NAA16: variants seen among roughly 807,000 people sequenced by gnomAD.
NAA16 encodes the protein N-alpha-acetyltransferase 16, NatA auxiliary subunit, also known as NARG1-like protein.
In NAA16, 97 loss-of-function variants were observed where a neutral mutation model predicts 110.3. The ratio of observed to expected loss-of-function variants is 0.88; its 90% confidence interval spans 0.75 to 1.04. NAA16 has a LOEUF of 1.04. Ranked by LOEUF, NAA16 falls within the 50% of genes least tolerant of loss-of-function variation. The pLI is 0.00. For synonymous variants in NAA16, 372 were observed against 330.6 expected (o/e 1.13, Z -1.36); for missense variants, 1,017 against 1,005.1 (o/e 1.01, Z -0.16).
At chr13:41,366,423 T>C (rs1178346930) in intron 13 of NAA16, among the ~76,000 whole-genome samples, 3 of 152,174 alleles carry the variant, frequency 2.0e-5, no homozygotes, top group African/African-American at 7.2e-5. Context: ...ATTGGTGTAT[T>C]GAATCACTCA....
chr13:41,367,589 A>G lies in NAA16; in HGVS notation c.1690A>G (p.Ile564Val). 2.5e-6 allele frequency: 4 copies of G among 1,613,288 alleles called. No homozygotes were observed. Among genetic ancestry groups the G allele is most frequent in the Non-Finnish European group, 2.5e-6 (3 of 1,179,642 alleles). Residue 564 changes from isoleucine to valine, a missense_variant, in exon 14 of 20, where the codon ATA (isoleucine) becomes GTA (valine). Transcript: ENST00000379406. ...CAAGGCTGCTAGATCAGCGATTGAA[A>G]TATACTTGAAATTGTATGATAATCC... ...YFKAARSAIE[I>V]YLKLYDNPLT...
intron 1 of NAA16, among the ~76,000 whole-genome samples, chr13:41,316,171 C>T (rs1229347636): frequency 2.0e-5 from 3 of 152,116 alleles, no homozygotes; most frequent in South Asian, 4.1e-4. Context: ...ATTCAGTCGC[C>T]CAGGCTGGAG....
At chr13:41,358,632 G>GT (rs2043045840) in intron 11 of NAA16, 159 bp downstream of exon 11, 1 of 1,437,326 alleles carries the variant, frequency 7.0e-7, no homozygotes, top group South Asian at 1.6e-5. Context: ...TAATCAATGT[G>GT]TAATTAGATG....
chr13:41,325,833 T>C lies in NAA16; in HGVS notation c.673T>C (p.Leu225=), dbSNP rs774351761. 5 of 1,600,154 alleles carry C rather than the reference T, an allele frequency of 3.1e-6. No individual in the cohort carries two copies. The South Asian group carries it at 3.4e-5, about 11-fold the overall frequency. Residue 225 remains leucine (L), a synonymous_variant, in exon 6 of 20, where the codon TTG becomes CTG. Coordinates refer to ENST00000379406, the MANE Select transcript of NAA16 (RefSeq NM_024561.5). The stretch of plus-strand genomic sequence containing the variant: ...TGAGAAACAAATATGTGATAAACTT[T>C]TGGTGGAAGAAATTAAAGGTAAGTT... ...MYEKQICDKL[L]VEEIKGEILL...
Position 41,366,058 on chromosome 13 carries a change from T to C in NAA16, c.1540-1381T>C, listed in dbSNP as rs557811187. Among the ~76,000 whole-genome samples, 3 of 152,200 alleles carry C rather than the reference T, an allele frequency of 2.0e-5. No individual in the cohort carries two copies. The East Asian group carries it at 5.8e-4, about 29-fold the overall frequency. On this transcript the variant is annotated intron_variant, in intron 13 of 19. Coordinates refer to ENST00000379406, the MANE Select transcript of NAA16 (RefSeq NM_024561.5). The stretch of plus-strand genomic sequence containing the variant: ...CATTAAGAGAAACCACTAACAACTT[T>C]ATGAAATATGTAATCCTTTGATTTA...
At position 41,318,743 on chromosome 13, in the gene NAA16, A is replaced by T. The variant is rs1388017758; in HGVS notation, c.140-63A>T. On this transcript the variant is annotated intron_variant, in intron 2 of 19. Coordinates refer to ENST00000379406, the MANE Select transcript of NAA16 (RefSeq NM_024561.5). The stretch of plus-strand genomic sequence containing the variant: ...TTCAGATCTCAACTATTAAAGTACT[A>T]TTAAGAGAATAAGAGAATAATTTTG... 4 of 798,566 alleles carry T rather than the reference A, an allele frequency of 5.0e-6. No individual in the cohort carries two copies. The East Asian group carries it at 1.2e-4, about 23-fold the overall frequency. The allele number at this position is 798,566 out of a possible 1,614,324, so 49.5% of individuals were successfully genotyped here.
chr13:41,337,400 G>C (rs777811059), intron 9 of NAA16, among the ~76,000 whole-genome samples: 1 of 151,902 alleles, frequency 6.6e-6, no homozygotes, highest in Non-Finnish European at 1.5e-5. Flanking sequence ...AAAATTAGCC[G>C]GGCGTGGTGG....
intron 1 of NAA16, among the ~76,000 whole-genome samples, chr13:41,312,117 G>T (rs1400819650): frequency 6.6e-6 from 1 of 152,204 alleles, no homozygotes; most frequent in Non-Finnish European, 1.5e-5. Context: ...AGGAAGCCAG[G>T]CCTGGCACCA....
chr13:41,374,141 CTT>C (rs200465136), intron 18 of NAA16, among the ~76,000 whole-genome samples: 7 of 140,886 alleles, frequency 5.0e-5, no homozygotes, highest in Admixed American at 2.1e-4. Flanking sequence ...AATTATTTTT[CTT>C]TTTTTTTTTT....
At chr13:41,373,945 G>A in intron 18 of NAA16, 165 bp downstream of exon 18, 2 of 1,104,082 alleles carry the variant, frequency 1.8e-6, no homozygotes, top group Non-Finnish European at 2.4e-6. Flanking sequence ...AAACAGGGAT[G>A]GATTCACAGG....
intron 1 of NAA16, among the ~76,000 whole-genome samples, chr13:41,316,075 A>G (rs1183195696): frequency 1.3e-5 from 2 of 152,164 alleles, no homozygotes; most frequent in Non-Finnish European, 2.9e-5. Flanking sequence ...TGTACTAGGA[A>G]AGGGAAACAA....
intron 15 of NAA16, among the ~76,000 whole-genome samples, chr13:41,370,578 A>G (rs2043296789): frequency 6.6e-6 from 1 of 152,198 alleles, no homozygotes; most frequent in Admixed American, 6.5e-5. Flanking sequence ...GAAGGCTTGG[A>G]CAGTGAGAAA....
chr13:41,318,887 G>A lies in NAA16; in HGVS notation c.221G>A (p.Arg74His), dbSNP rs1313404485. ...EAYEFVRKGL[R>H]NDVKSHVCWH... The stretch of plus-strand genomic sequence containing the variant: ...TATGAGTTTGTTCGTAAAGGACTTC[G>A]TAATGATGTCAAGAGTCATGTCTGT... Residue 74 changes from arginine to histidine, a missense_variant, in exon 3 of 20, where the codon CGT (arginine) becomes CAT (histidine). Coordinates refer to ENST00000379406, the MANE Select transcript of NAA16 (RefSeq NM_024561.5). The A allele has an allele frequency of 3.7e-6, 6 of 1,600,486 alleles. No homozygotes were observed. Among genetic ancestry groups the A allele is most frequent in the South Asian group, 1.1e-5 (1 of 88,834 alleles).
rs1029335079 is a variant in NAA16 at position 41,375,802 on chromosome 13, C to A, written c.*200C>A. ...TGTTAAAATTACCTGTTTATTCTTA[C>A]ACAGTTTTGTGGTAGCTCCGATCGC... is the stretch of plus-strand genomic sequence containing the variant. On this transcript the variant is annotated 3_prime_UTR_variant, in exon 20 of 20. Coordinates refer to ENST00000379406, the MANE Select transcript of NAA16 (RefSeq NM_024561.5). The A allele has an allele frequency of 2.1e-6, 1 of 474,290 alleles. No homozygotes were observed. Among genetic ancestry groups the A allele is most frequent in the Non-Finnish European group, 3.7e-6 (1 of 270,380 alleles). 29.4% of individuals were successfully genotyped at this position (474,290 alleles called of 1,614,324 possible).
intron 15 of NAA16, among the ~76,000 whole-genome samples, chr13:41,371,648 C>T (rs1394846906): frequency 6.6e-6 from 1 of 152,142 alleles, no homozygotes; most frequent in African/African-American, 2.4e-5. Context: ...ATACATGTAA[C>T]ATACACAATA....
chr13:41,334,502 T>C (rs1206472112), intron 8 of NAA16, among the ~76,000 whole-genome samples: 1 of 152,220 alleles, frequency 6.6e-6, no homozygotes, highest in Non-Finnish European at 1.5e-5. Context: ...TTTACACTGA[T>C]TATTTTAGGA....
intron 9 of NAA16, among the ~76,000 whole-genome samples, chr13:41,344,397 A>G (rs1048399974): frequency 1.3e-5 from 2 of 152,206 alleles, no homozygotes; most frequent in African/African-American, 4.8e-5. Context: ...ACCATCTTGG[A>G]AAGTCCTCTT....
chr13:41,353,777 A>ACC (rs2042906184), intron 9 of NAA16, among the ~76,000 whole-genome samples: 1 of 117,796 alleles, frequency 8.5e-6, no homozygotes, highest in African/African-American at 4.0e-5. Flanking sequence ...TTACACACAC[A>ACC]CACACACACA....
At chr13:41,331,435 T>C (rs2139415099) in intron 8 of NAA16, 66 bp downstream of exon 8, 2 of 1,175,756 alleles carry the variant, frequency 1.7e-6, no homozygotes, top group South Asian at 1.4e-5. Flanking sequence ...ATTTATATTT[T>C]AGAAACGTGT....
Sources: allele counts gnomAD v4.1 joint callset (sites outside exome capture counted in the v4.1 genomes callset), GRCh38; gene constraint gnomAD v4.1.1; transcripts MANE v1.5; gene names NCBI Gene and HGNC (gene_info 2026-07-23, HGNC 2026-07-21).